GALNT18: variants seen among roughly 807,000 people sequenced by gnomAD.
GALNT18 encodes polypeptide N-acetylgalactosaminyltransferase 18, also known as GalNAc-transferase 18.
GALNT18 carries 44 observed loss-of-function variants against 69.5 expected under a neutral mutation model. The observed-to-expected ratio is 0.63, with a 90% CI of 0.50 to 0.81. The LOEUF (loss-of-function observed/expected upper bound fraction) is 0.81. Ranked by LOEUF, GALNT18 falls within the 40% of genes least tolerant of loss-of-function variation. GALNT18 has a pLI of 0.00. For synonymous variants in GALNT18, 364 were observed against 318.2 expected, an observed-to-expected ratio of 1.14 and a Z score of -1.53; for missense variants, 715 against 810.0, an observed-to-expected ratio of 0.88 and a Z score of 1.42.
At position 11,448,935 on chromosome 11, in the gene GALNT18, C is replaced by A; in HGVS notation, c.237G>T (p.Glu79Asp). ...CTGCCTCCTCAGGCTTGGCAGGAGC[C>A]TCTGGAGAAAGAAGGAACAGGAGAC... ...LENVIKQHIQ[E>D]APAKPEEAEA... The change falls in exon 2 of 11, where the codon GAG becomes GAT. Residue 79 changes from glutamate to aspartate, a missense_variant and splice_region_variant. Glu to Asp is a conservative substitution (Grantham distance 45). Coordinates refer to ENST00000227756, the MANE Select transcript of GALNT18 (RefSeq NM_198516.3). 3.8e-6 allele frequency: 6 copies of A among 1,579,872 alleles called. No individual in the cohort carries two copies. The highest frequency in any genetic ancestry group is 5.2e-6 in the Non-Finnish European group (6 of 1,163,670).
intron 1 of GALNT18, among the ~76,000 whole-genome samples, chr11:11,580,512 A>C (rs1394695958): frequency 6.6e-6 from 1 of 152,230 alleles, no homozygotes; most frequent in Non-Finnish European, 1.5e-5. Context: ...TTTCCAGTGC[A>C]AATGTCTACA....
chr11:11,582,320 AGGGCCTTTG>A lies in GALNT18; in HGVS notation c.235+39030_235+39038del, dbSNP rs1197738437. ...GGAGCTGGGCATGGCCAGGAGGCAA[AGGGCCTTTG>A]TTCCCAATCATTCACTGCCCCTCCC... On this transcript the variant is annotated intron_variant, in intron 1 of 10. Transcript: ENST00000227756. The surrounding 1 kb of genome is among the most constrained non-coding windows in gnomAD (Gnocchi z 5.0). 3.9e-5 allele frequency among the ~76,000 whole-genome samples: 6 copies of A among 152,210 alleles called. No homozygotes were observed. Among genetic ancestry groups the A allele is most frequent in the African/African-American group, 1.4e-4 (6 of 41,464 alleles).
intron 6 of GALNT18, among the ~76,000 whole-genome samples, chr11:11,365,039 T>C (rs574043079): frequency 1.1e-4 from 16 of 152,178 alleles, no homozygotes; most frequent in African/African-American, 3.9e-4. Flanking sequence ...CATTATTTCT[T>C]CTAAAAATGG....
chr11:11,311,014 C>G (rs1175227498), intron 9 of GALNT18, among the ~76,000 whole-genome samples: 2 of 152,186 alleles, frequency 1.3e-5, no homozygotes, highest in African/African-American at 2.4e-5. Context: ...GTCTCAGATT[C>G]TCAGCCAGGA....
In GALNT18 at chr11:11,508,124, A is replaced by T. The variant is rs550374054; in HGVS notation, c.236-59188T>A. Among the ~76,000 whole-genome samples, 5 of 152,326 alleles carry T rather than the reference A, an allele frequency of 3.3e-5. No homozygotes were observed. The East Asian group carries it at 9.6e-4, about 29-fold the overall frequency. Reference sequence around the variant, plus strand: ...TCCCAATTATCCAATCATGTCCTTTATAGCTCTTTGTTCATTTTCTGATTC... The same window carrying T: ...TCCCAATTATCCAATCATGTCCTTTTTAGCTCTTTGTTCATTTTCTGATTC... On this transcript the variant is annotated intron_variant, in intron 1 of 10. Transcript: ENST00000227756.
chr11:11,453,029 C>T (rs997490467), intron 1 of GALNT18, among the ~76,000 whole-genome samples: 4 of 152,124 alleles, frequency 2.6e-5, no homozygotes, highest in Admixed American at 6.6e-5. Context: ...TGTTACTCGC[C>T]CCCTGCCCTC....
At chr11:11,498,041 C>T (rs1279648910) in intron 1 of GALNT18, among the ~76,000 whole-genome samples, 5 of 152,006 alleles carry the variant, frequency 3.3e-5, no homozygotes, top group African/African-American at 7.3e-5. Flanking sequence ...CTGGAGAACT[C>T]GTCTTAAAAA....
At chr11:11,575,506 T>C (rs77793079) in intron 1 of GALNT18, among the ~76,000 whole-genome samples, 39,463 of 152,116 alleles carry the variant, frequency 0.26, 6,778 homozygotes, top group African/African-American at 0.49. Flanking sequence ...AGCCTGCAGG[T>C]TCTGGGCCCA....
chr11:11,533,148 G>T (rs1483490787), intron 1 of GALNT18, among the ~76,000 whole-genome samples: 1 of 152,120 alleles, frequency 6.6e-6, no homozygotes, highest in African/African-American at 2.4e-5. Context: ...CAGCTGTCTG[G>T]CCTCAGAGAT....
At chr11:11,422,044 CATCTATATCTAT>C (rs200766581) in intron 3 of GALNT18, among the ~76,000 whole-genome samples, 15 of 151,772 alleles carry the variant, frequency 9.9e-5, no homozygotes, top group Admixed American at 5.3e-4. Flanking sequence ...ATATCTATAT[CATCTATATCTAT>C]ATCTATATCT....
chr11:11,432,431 TGGGATGCAGA>T lies in GALNT18; in HGVS notation c.595+180_595+189del, dbSNP rs1654430499. On this transcript the variant is annotated intron_variant, in intron 3 of 10. Transcript: ENST00000227756. This position sits in a 1 kb window ranked among gnomAD's most constrained non-coding sequence, Gnocchi z 5.8. ...AAAAAGCCTAAGGACCAGACCCCTCTGGGATGCAGAGGCCATGCTCAGACGGAGTGAACCT... is the reference window on the plus strand; with the variant it reads ...AAAAAGCCTAAGGACCAGACCCCTCTGGCCATGCTCAGACGGAGTGAACCT... Among the ~76,000 whole-genome samples, 1 of 152,172 alleles carries T rather than the reference TGGGATGCAGA, an allele frequency of 6.6e-6. No individual in the cohort carries two copies. The highest frequency in any genetic ancestry group is 1.5e-5 in the Non-Finnish European group (1 of 68,030).
At chr11:11,597,912 G>A (rs143695300) in intron 1 of GALNT18, among the ~76,000 whole-genome samples, 1,878 of 152,004 alleles carry the variant, frequency 0.012, 47 homozygotes, top group African/African-American at 0.043. Context: ...CACCCGTCTC[G>A]GCCTCCCAAA....
chr11:11,349,353 C>A (rs1308186382), intron 6 of GALNT18, among the ~76,000 whole-genome samples: 5 of 152,182 alleles, frequency 3.3e-5, no homozygotes, highest in Admixed American at 3.3e-4. Context: ...ACATGTTCAA[C>A]TTTCCTAGGA....
At chr11:11,272,355 T>C (rs934198182) in intron 10 of GALNT18, among the ~76,000 whole-genome samples, 2 of 152,292 alleles carry the variant, frequency 1.3e-5, no homozygotes, top group South Asian at 4.1e-4. Flanking sequence ...CTTCTTTCTC[T>C]CACTGGGACA....
intron 8 of GALNT18, among the ~76,000 whole-genome samples, chr11:11,329,830 T>A (rs1849988396): frequency 1.3e-5 from 2 of 152,292 alleles, no homozygotes; most frequent in South Asian, 4.2e-4. Context: ...AAAGAGCTGG[T>A]CTGTCAGACT....
At chr11:11,594,848 T>TATATATATAC (rs1488821833) in intron 1 of GALNT18, among the ~76,000 whole-genome samples, 153 of 114,246 alleles carry the variant, frequency 1.3e-3, no homozygotes, top group East Asian at 0.011. Context: ...TATACACATA[T>TATATATATAC]ACATACATAC....
intron 5 of GALNT18, among the ~76,000 whole-genome samples, chr11:11,373,501 A>G (rs1009361607): frequency 1.3e-5 from 2 of 152,234 alleles, no homozygotes; most frequent in African/African-American, 4.8e-5. Context: ...TTCAAAAGAA[A>G]GAAGCATTGG....
At chr11:11,425,928 G>A (rs1228481891) in intron 3 of GALNT18, among the ~76,000 whole-genome samples, 1 of 152,254 alleles carries the variant, frequency 6.6e-6, no homozygotes, top group African/African-American at 2.4e-5. Context: ...AGTCTGTAGA[G>A]GTTGAATCAT....
intron 1 of GALNT18, among the ~76,000 whole-genome samples, chr11:11,518,015 G>A (rs1395390225): frequency 1.3e-5 from 2 of 152,194 alleles, no homozygotes; most frequent in Non-Finnish European, 2.9e-5. Flanking sequence ...TGGTTAAAAC[G>A]TTCTGTCCCA....
Sources: allele counts gnomAD v4.1 joint callset (sites outside exome capture counted in the v4.1 genomes callset), GRCh38; gene constraint gnomAD v4.1.1; non-coding constraint Gnocchi (gnomAD v3.1); transcripts MANE v1.5; gene names NCBI Gene and HGNC (gene_info 2026-07-23, HGNC 2026-07-21).